NCAM1: variants seen among roughly 807,000 people sequenced by gnomAD.
NCAM1 encodes neural cell adhesion molecule 1.
A neutral mutation model predicts 109.8 loss-of-function variants in NCAM1; 14 were observed. That is an observed-to-expected ratio of 0.13 (90% CI 0.08 to 0.20). NCAM1 has a LOEUF of 0.20. NCAM1 is among the 10% of genes least tolerant of loss of function. The pLI is 1.00. For synonymous variants in NCAM1, 418 were observed against 442.9 expected, an observed-to-expected ratio of 0.94 and a Z score of 0.70; for missense variants, 774 against 1,109.9, an observed-to-expected ratio of 0.70 and a Z score of 4.30.
chr11:113,245,227 G>A (rs1311295431), intron 14 of NCAM1, among the ~76,000 whole-genome samples: 1 of 152,148 alleles, frequency 6.6e-6, no homozygotes, highest in African/African-American at 2.4e-5. Flanking sequence ...GGCTGAGGTG[G>A]AAGGATCACT....
chr11:113,192,385 C>G (rs138031788), intron 1 of NCAM1, among the ~76,000 whole-genome samples: 2 of 150,586 alleles, frequency 1.3e-5, no homozygotes, highest in East Asian at 2.0e-4. Context: ...AGTGCTGGCC[C>G]GCAATAAGGG....
intron 1 of NCAM1, among the ~76,000 whole-genome samples, chr11:113,098,230 A>G (rs1939696592): frequency 6.6e-6 from 1 of 152,168 alleles, no homozygotes; most frequent in Non-Finnish European, 1.5e-5. Context: ...AAGCAAACAC[A>G]GTTGTCCCTC....
intron 7 of NCAM1, among the ~76,000 whole-genome samples, chr11:113,213,528 A>T (rs2137010819): frequency 6.6e-6 from 1 of 152,200 alleles, no homozygotes; most frequent in African/African-American, 2.4e-5. Flanking sequence ...TGATTTCTTC[A>T]TTTGAGTTAA....
chr11:113,153,043 A>G (rs797037403), intron 1 of NCAM1, among the ~76,000 whole-genome samples: 3 of 128,252 alleles, frequency 2.3e-5, no homozygotes, highest in African/African-American at 8.5e-5. Context: ...AGCAATGTCT[A>G]TAATTTTTTT....
At chr11:113,219,834 AT>A (rs1944633658) in intron 8 of NCAM1, among the ~76,000 whole-genome samples, 1 of 152,244 alleles carries the variant, frequency 6.6e-6, no homozygotes. Context: ...GTGATGTGGA[AT>A]TGGCAAGCAC....
At chr11:113,033,058 A>G (rs1187472005) in intron 1 of NCAM1, among the ~76,000 whole-genome samples, 3 of 152,188 alleles carry the variant, frequency 2.0e-5, no homozygotes, top group Non-Finnish European at 4.4e-5. Context: ...TGGCATCCAC[A>G]GTAATTTGTA....
chr11:113,136,552 G>A (rs1007565459), intron 1 of NCAM1, among the ~76,000 whole-genome samples: 2 of 152,204 alleles, frequency 1.3e-5, no homozygotes, highest in Non-Finnish European at 1.5e-5. Flanking sequence ...GGAGGCATGC[G>A]TGAAGCGTGT....
At chr11:113,212,188 G>A (rs1349058652) in intron 7 of NCAM1, among the ~76,000 whole-genome samples, 2 of 152,148 alleles carry the variant, frequency 1.3e-5, no homozygotes, top group East Asian at 3.9e-4. Flanking sequence ...AATAAATTAT[G>A]CATATCACTG....
intron 1 of NCAM1, among the ~76,000 whole-genome samples, chr11:113,070,071 G>C (rs781913447): frequency 6.6e-6 from 1 of 152,154 alleles, no homozygotes; most frequent in African/African-American, 2.4e-5. Context: ...GAAGTCATGG[G>C]GGGAGGGGAG....
At chr11:113,206,484 G>A (rs1287830001) in intron 5 of NCAM1, among the ~76,000 whole-genome samples, 2 of 151,702 alleles carry the variant, frequency 1.3e-5, no homozygotes, top group Admixed American at 1.3e-4. Context: ...TGTCCTTGAT[G>A]TTACCATAAT....
At chr11:113,171,735 G>C (rs1359746078) in intron 1 of NCAM1, among the ~76,000 whole-genome samples, 3 of 152,204 alleles carry the variant, frequency 2.0e-5, no homozygotes, top group Non-Finnish European at 2.9e-5. Flanking sequence ...ATCACTCACT[G>C]TCCAATTGGG....
intron 1 of NCAM1, among the ~76,000 whole-genome samples, chr11:113,125,241 C>A (rs1428187356): frequency 2.0e-5 from 3 of 152,146 alleles, no homozygotes; most frequent in Admixed American, 2.0e-4. Flanking sequence ...TCTCTGAGTC[C>A]TCTAAAGATT....
chr11:113,193,710 G>A (rs1943766880), intron 1 of NCAM1, among the ~76,000 whole-genome samples: 1 of 152,054 alleles, frequency 6.6e-6, no homozygotes. Context: ...AAAGGGAAAG[G>A]AAAAGAAATG....
chr11:113,261,725 G>A lies in NCAM1; in HGVS notation c.2131+1402G>A, dbSNP rs1305068442. Among the ~76,000 whole-genome samples, 7 of 152,100 alleles carry A rather than the reference G, an allele frequency of 4.6e-5. No individual in the cohort carries two copies. In the East Asian group the frequency reaches 1.2e-3, roughly 25 times the overall value. Reference sequence around the variant, plus strand: ...TGTCCAGATCTGTCTGGCCTTCATGGGACACTTAGGAGGTGAGATCAGGTG... The same window carrying A: ...TGTCCAGATCTGTCTGGCCTTCATGAGACACTTAGGAGGTGAGATCAGGTG... On this transcript the variant is annotated intron_variant, in intron 17 of 19. Transcript: ENST00000316851.
chr11:113,104,207 T>TGGGGGGGGGGGGGG (rs1345382907), intron 1 of NCAM1, among the ~76,000 whole-genome samples: 3 of 19,274 alleles, frequency 1.6e-4, no homozygotes, highest in African/African-American at 2.2e-4. Context: ...GGAGGTGGGG[T>TGGGGGGGGGGGGGG]GGGGGGGGGG....
chr11:113,100,348 T>G (rs147209598), intron 1 of NCAM1, among the ~76,000 whole-genome samples: 1 of 152,294 alleles, frequency 6.6e-6, no homozygotes, highest in East Asian at 1.9e-4. Flanking sequence ...GTTATTACAA[T>G]TAATGCTCTT....
Position 113,206,721 on chromosome 11 carries a change from A to AT in NCAM1, c.629-532dup, listed in dbSNP as rs201083959. ...TGAATTGTTTTGACTATTGACACAT[A>AT]TTTTTTTTGCCAAACTCTCCCCATC... On this transcript the variant is annotated intron_variant, in intron 5 of 19. Coordinates refer to ENST00000316851, the MANE Select transcript of NCAM1 (RefSeq NM_181351.5). Among the ~76,000 whole-genome samples the AT allele has an allele frequency of 4.1e-3, 616 of 152,026 alleles. 4 individuals carry two copies. In the East Asian group the frequency reaches 0.047, roughly 12 times the overall value.
chr11:113,242,564 C>T (rs533936703), intron 14 of NCAM1, among the ~76,000 whole-genome samples: 34 of 152,194 alleles, frequency 2.2e-4, no homozygotes, highest in Non-Finnish European at 4.0e-4. Flanking sequence ...GAGACAAGAT[C>T]GCACCATTGC....
At chr11:112,971,553 T>G (rs1950882865) in intron 1 of NCAM1, among the ~76,000 whole-genome samples, 1 of 152,108 alleles carries the variant, frequency 6.6e-6, no homozygotes, top group Non-Finnish European at 1.5e-5. Flanking sequence ...ATGTTATACC[T>G]TTTTTTGAAA....
Sources: gnomAD v4.1 joint callset for allele counts (sites outside exome capture counted in the v4.1 genomes callset) on GRCh38, gnomAD v4.1.1 for gene constraint, MANE v1.5 for transcripts, NCBI Gene and HGNC (gene_info 2026-07-23, HGNC 2026-07-21) for gene names.